Variants in ARB2A observed in about 807,000 individuals in gnomAD.
The protein encoded by ARB2A is ARB2 cotranscriptional regulator A.
the ARB2A span, among the ~76,000 whole-genome samples, chr5:93,680,306 C>T: frequency 6.6e-6 from 1 of 151,996 alleles, no homozygotes; most frequent in Non-Finnish European, 1.5e-5. Flanking sequence ...ATCACAACAT[C>T]TAGTTAATTT....
chr5:93,691,733 A>G, the ARB2A span, among the ~76,000 whole-genome samples: 1 of 152,090 alleles, frequency 6.6e-6, no homozygotes, highest in East Asian at 1.9e-4. Context: ...TGTCAGATTC[A>G]CCAAGATTGA....
At chr5:94,055,804 A>G in the ARB2A span, 1 of 985,342 alleles carries the variant, frequency 1.0e-6, no homozygotes, top group East Asian at 1.1e-4. Context: ...GCAGTCATCT[A>G]CAATTCAAAA....
At chr5:93,814,561 A>T in the ARB2A span, among the ~76,000 whole-genome samples, 7 of 152,206 alleles carry the variant, frequency 4.6e-5, no homozygotes, top group Non-Finnish European at 8.8e-5. Context: ...AGACAAATTT[A>T]CTGTATGGAT....
chr5:94,097,879 C>T, the ARB2A span, among the ~76,000 whole-genome samples: 4 of 149,592 alleles, frequency 2.7e-5, no homozygotes, highest in Non-Finnish European at 5.9e-5. Context: ...CACACACACA[C>T]ACACGAACAC....
chr5:93,664,063 C>CT, the ARB2A span, among the ~76,000 whole-genome samples: 4 of 145,508 alleles, frequency 2.7e-5, no homozygotes, highest in African/African-American at 1.0e-4. Context: ...CTAACATACT[C>CT]TTTTTTTTAT....
chr5:93,863,731 T>C, the ARB2A span: 2 of 152,148 alleles, frequency 1.3e-5, no homozygotes, highest in East Asian at 3.9e-4. Flanking sequence ...TGTTGCATAA[T>C]TTTAGCTCAA....
the ARB2A span, among the ~76,000 whole-genome samples, chr5:93,678,369 C>T: frequency 1.0e-3 from 159 of 152,276 alleles, 1 homozygote; most frequent in African/African-American, 3.5e-3. Context: ...TAGCAGGACA[C>T]CTAAGGAACT....
At chr5:94,050,681 G>A in the ARB2A span, 74 of 1,376,230 alleles carry the variant, frequency 5.4e-5, 1 homozygote, top group South Asian at 6.9e-4. Flanking sequence ...CTTTTATTCT[G>A]AATATTTAAA....
chr5:94,021,049 T>A, the ARB2A span, among the ~76,000 whole-genome samples: 2 of 151,958 alleles, frequency 1.3e-5, no homozygotes, highest in Non-Finnish European at 2.9e-5. Flanking sequence ...AATAAATAAA[T>A]AAAATAAGAT....
the ARB2A span, among the ~76,000 whole-genome samples, chr5:93,992,306 C>T: frequency 5.3e-5 from 8 of 151,740 alleles, no homozygotes; most frequent in Admixed American, 4.6e-4. Context: ...AGATGGAAAC[C>T]CAGATATAGA....
chr5:94,045,378 T>G, the ARB2A span, among the ~76,000 whole-genome samples: 1 of 152,062 alleles, frequency 6.6e-6, no homozygotes, highest in African/African-American at 2.4e-5. Context: ...CCAAGAACGC[T>G]CTCTTGGGGT....
At chr5:93,873,828 G>A in the ARB2A span, among the ~76,000 whole-genome samples, 23 of 152,242 alleles carry the variant, frequency 1.5e-4, no homozygotes, top group Non-Finnish European at 3.1e-4. Flanking sequence ...TTTCCCTCAG[G>A]AAGAGTGTGA....
the ARB2A span, among the ~76,000 whole-genome samples, chr5:93,988,016 T>C: frequency 1.3e-5 from 2 of 152,194 alleles, no homozygotes; most frequent in Non-Finnish European, 2.9e-5. Context: ...GCTCAGTCTA[T>C]AAGCCTAAGT....
chr5:94,084,806 C>A, the ARB2A span, among the ~76,000 whole-genome samples: 7 of 151,954 alleles, frequency 4.6e-5, no homozygotes, highest in African/African-American at 1.7e-4. Context: ...TGGTTAACTG[C>A]ACAATTTTAA....
At chr5:93,711,115 G>C in the ARB2A span, among the ~76,000 whole-genome samples, 1 of 151,814 alleles carries the variant, frequency 6.6e-6, no homozygotes, top group Non-Finnish European at 1.5e-5. Flanking sequence ...ACAAATTTTA[G>C]GATCTGACCT....
chr5:93,633,178 G>C, the ARB2A span, among the ~76,000 whole-genome samples: 1 of 152,146 alleles, frequency 6.6e-6, no homozygotes, highest in African/African-American at 2.4e-5. Context: ...AATAAATTCT[G>C]ACAATTAAAC....
chr5:93,756,514 A>G, the ARB2A span, among the ~76,000 whole-genome samples: 1 of 152,182 alleles, frequency 6.6e-6, no homozygotes, highest in Non-Finnish European at 1.5e-5. Context: ...GTTGGTATCC[A>G]CGCTGAGAAT....
At chr5:93,859,852 T>A in the ARB2A span, among the ~76,000 whole-genome samples, 1 of 152,218 alleles carries the variant, frequency 6.6e-6, no homozygotes, top group Admixed American at 6.5e-5. Context: ...AATAGCCATG[T>A]ATGGGTGATC....
the ARB2A span, among the ~76,000 whole-genome samples, chr5:93,636,669 T>C: frequency 6.6e-6 from 1 of 152,206 alleles, no homozygotes; most frequent in African/African-American, 2.4e-5. Context: ...TACAGCAGCC[T>C]GAATATACAG....
Sources: gnomAD v4.1 joint callset for allele counts (sites outside exome capture counted in the v4.1 genomes callset) on GRCh38, gnomAD v4.1.1 for gene constraint, MANE v1.5 for transcripts, NCBI Gene and HGNC (gene_info 2026-07-23, HGNC 2026-07-21) for gene names.